AGPAT2: variants seen among roughly 807,000 people sequenced by gnomAD.
AGPAT2 encodes the protein 1-acylglycerol-3-phosphate O-acyltransferase 2, also known as 1-acyl-sn-glycerol-3-phosphate acyltransferase beta.
In AGPAT2, 18 loss-of-function variants were observed where a neutral mutation model predicts 26.1. The observed-to-expected ratio is 0.69, with a 90% CI of 0.48 to 1.02. The LOEUF (loss-of-function observed/expected upper bound fraction) is 1.02, where lower values mean the gene tolerates loss of function less well. AGPAT2 is among the 50% of genes least tolerant of loss of function. AGPAT2 has a pLI of 0.00. For synonymous variants in AGPAT2, 200 were observed against 174.2 expected, an observed-to-expected ratio of 1.15 and a Z score of -1.16; for missense variants, 415 against 394.9, an observed-to-expected ratio of 1.05 and a Z score of -0.43.
chr9:136,676,735 C>T lies in AGPAT2; in HGVS notation c.493-55G>A. On this transcript the variant is annotated intron_variant, in intron 3 of 5. Coordinates refer to ENST00000371696, the MANE Select transcript of AGPAT2 (RefSeq NM_006412.4). ...TCACGCCCAGGCCACCCCAGAAAGG[C>T]CACGCCGCCTCGCCTCCTAAGAAGC... 5 of 1,538,266 alleles carry T rather than the reference C, an allele frequency of 3.3e-6. No individual in the cohort carries two copies. In the Admixed American group the frequency reaches 5.0e-5, roughly 15 times the overall value.
At chr9:136,674,669 G>T in intron 5 of AGPAT2, 66 bp downstream of exon 5, 1 of 1,228,856 alleles carries the variant, frequency 8.1e-7, no homozygotes, top group Non-Finnish European at 1.1e-6. Context: ...ACGATGAGGG[G>T]CCCGGGGCTC....
intron 1 of AGPAT2, among the ~76,000 whole-genome samples, chr9:136,684,373 G>A (rs527779706): frequency 2.4e-4 from 36 of 152,290 alleles, no homozygotes; most frequent in South Asian, 8.3e-4. Flanking sequence ...CAGCTCCACC[G>A]TAACTGCGCA....
chr9:136,677,490 CG>C lies in AGPAT2; in HGVS notation c.248del (p.Pro83ArgfsTer22), dbSNP rs193920848. ...FYGLRFEVRD[P>X]RRLQEARPCV... ...AGGGACGGGCCTCCTGCAGCCTGCG[CG>C]GGTCCCGCACCTCGAAGCGGAGCCC... On this transcript the variant is annotated frameshift_variant, in exon 2 of 6. Transcript: ENST00000371696. LOFTEE classifies it high-confidence loss of function. 6.2e-7 allele frequency: 1 copy of C among 1,613,062 alleles called. No individual in the cohort carries two copies. The highest frequency in any genetic ancestry group is 1.7e-5 in the Admixed American group (1 of 60,034).
chr9:136,678,046 G>A (rs75274446), intron 1 of AGPAT2, among the ~76,000 whole-genome samples: 2 of 152,204 alleles, frequency 1.3e-5, no homozygotes, highest in South Asian at 2.1e-4. Flanking sequence ...AAGTGTCGGC[G>A]CCAGTGGAGA....
In AGPAT2 at chr9:136,673,860, CG is replaced by C; in HGVS notation, c.728del (p.Ala243GlyfsTer10). On this transcript the variant is annotated frameshift_variant, in exon 6 of 6. Transcript: ENST00000371696. LOFTEE classifies it low-confidence loss of function (END_TRUNC). ...TSGLTAADVP[A>X]LVDTCHRAMR... is the part of the protein sequence containing the mutation. ...TGGCCCGGTGGCAGGTGTCCACGAG[CG>C]CAGGGACGTCCGCCGCAGTGAGGCC... The C allele has an allele frequency of 6.2e-7, 1 of 1,605,008 alleles. No individual in the cohort carries two copies. Among genetic ancestry groups the C allele is most frequent in the Non-Finnish European group, 8.5e-7 (1 of 1,177,402 alleles).
At chr9:136,679,360 C>A (rs1846132847) in intron 1 of AGPAT2, among the ~76,000 whole-genome samples, 1 of 152,184 alleles carries the variant, frequency 6.6e-6, no homozygotes, top group Admixed American at 6.5e-5. Context: ...TCAAGGGGGG[C>A]CTAATGGTTA....
chr9:136,677,992 G>A (rs571258509), intron 1 of AGPAT2, among the ~76,000 whole-genome samples: 15 of 152,288 alleles, frequency 9.8e-5, no homozygotes, highest in African/African-American at 3.6e-4. Flanking sequence ...CACACACCCT[G>A]GGGAAGGTCA....
chr9:136,677,268 C>G, intron 2 of AGPAT2, 132 bp from the exon 3 acceptor site: 1 of 1,491,774 alleles, frequency 6.7e-7, no homozygotes. Flanking sequence ...GTGTGGCCTC[C>G]GAGCCTCTGT....
intron 1 of AGPAT2, among the ~76,000 whole-genome samples, chr9:136,683,079 G>A (rs1174003990): frequency 6.7e-6 from 1 of 149,666 alleles, no homozygotes; most frequent in African/African-American, 2.4e-5. Context: ...GGGGGGAGGG[G>A]GGGAAGAATC....
At chr9:136,676,293 G>A (rs186574303) in intron 4 of AGPAT2, among the ~76,000 whole-genome samples, 1,807 of 152,222 alleles carry the variant, frequency 0.012, 36 homozygotes, top group African/African-American at 0.041. Context: ...CGAGCGGCCC[G>A]GCTCCCCACC....
chr9:136,684,667 G>A (rs547837453), intron 1 of AGPAT2, among the ~76,000 whole-genome samples: 6 of 152,318 alleles, frequency 3.9e-5, no homozygotes, highest in African/African-American at 1.4e-4. Context: ...CAAGCGCTGG[G>A]CTGGGAACAA....
intron 1 of AGPAT2, among the ~76,000 whole-genome samples, chr9:136,683,501 C>T (rs983518819): frequency 1.4e-4 from 22 of 152,164 alleles, no homozygotes; most frequent in African/African-American, 4.6e-4. Context: ...TGCTGGGGCT[C>T]GCTGGGGCCA....
In AGPAT2 at chr9:136,687,167, C is replaced by G; in HGVS notation, c.182+9G>C. ...TTCCCCGGCCCCTCCCGGCGGCCCC[C>G]GGCCTTGCCTCATGTTCTCCACCGT... is the stretch of plus-strand genomic sequence containing the variant. On this transcript the variant is annotated intron_variant, in intron 1 of 5. Coordinates refer to ENST00000371696, the MANE Select transcript of AGPAT2 (RefSeq NM_006412.4). 6.3e-7 allele frequency: 1 copy of G among 1,582,152 alleles called. No homozygotes were observed. The highest frequency in any genetic ancestry group is 8.5e-7 in the Non-Finnish European group (1 of 1,170,134).
chr9:136,673,647 G>A lies in AGPAT2; in HGVS notation c.*105C>T. The A allele has an allele frequency of 2.4e-6, 3 of 1,266,922 alleles. No individual in the cohort carries two copies. In the South Asian group the frequency reaches 4.9e-5, roughly 21 times the overall value. 78.5% of individuals were successfully genotyped at this position (1,266,922 alleles called of 1,614,324 possible). A position where few individuals can be genotyped will look rare whatever the true frequency, so the allele number is the denominator to read the frequency against. ...CCCGGGCTGAGTGAGAGCTGGGGGA[G>A]CCGGACAGAGTGGTATTTGGAAGCC... On this transcript the variant is annotated 3_prime_UTR_variant, in exon 6 of 6. Transcript: ENST00000371696.
chr9:136,677,247 C>G, intron 2 of AGPAT2, 111 bp from the exon 3 acceptor site: 1 of 1,506,700 alleles, frequency 6.6e-7, no homozygotes, highest in African/African-American at 1.4e-5. Context: ...CCCTGGCTAC[C>G]TGGACGGGTC....
At chr9:136,682,503 T>C (rs1255834835) in intron 1 of AGPAT2, among the ~76,000 whole-genome samples, 1 of 151,928 alleles carries the variant, frequency 6.6e-6, no homozygotes, top group Non-Finnish European at 1.5e-5. Flanking sequence ...CTGGACTCCT[T>C]GCCTCCCCGG....
Position 136,679,017 on chromosome 9 carries a change from G to A in AGPAT2, c.183-1461C>T, listed in dbSNP as rs530832620. Among the ~76,000 whole-genome samples, 377 of 152,306 alleles carry A rather than the reference G, an allele frequency of 2.5e-3. 1 individual carries two copies. Among genetic ancestry groups the A allele is most frequent in the Non-Finnish European group, 3.7e-3 (254 of 68,026 alleles). On this transcript the variant is annotated intron_variant, in intron 1 of 5. Coordinates refer to ENST00000371696, the MANE Select transcript of AGPAT2 (RefSeq NM_006412.4). Reference sequence around the variant, plus strand: ...AACCTGCCGACCTCGGCCTCCCAAAGTGCTGGGCTTACAGGCCTGAGCCAA... The same window carrying A: ...AACCTGCCGACCTCGGCCTCCCAAAATGCTGGGCTTACAGGCCTGAGCCAA...
intron 1 of AGPAT2, among the ~76,000 whole-genome samples, chr9:136,684,110 G>T (rs543828300): frequency 6.6e-6 from 1 of 152,310 alleles, no homozygotes; most frequent in African/African-American, 2.4e-5. Flanking sequence ...CCCCTTTTCT[G>T]TCTGGGACCC....
rs17848858 is a variant in AGPAT2, at chr9:136,673,801, G to A, written c.788C>T (p.Pro263Leu). The A allele has an allele frequency of 7.1e-5, 114 of 1,606,148 alleles. No individual in the cohort carries two copies. In the Middle Eastern group the frequency reaches 8.9e-4, roughly 13 times the overall value. Residue 263 changes from proline to leucine, a missense_variant, in exon 6 of 6, where the codon CCC (proline) becomes CTC (leucine). Physicochemically the swap from Pro to Leu is moderately conservative, Grantham distance 98. Transcript: ENST00000371696. ...CCCCGCAGTGGCCCCGTTCTCCTGG[G>A]GGGTCTTGGAGATGTGGAGGAAGGT... ...RTTFLHISKT[P>L]QENGATAGSG...
Sources: gnomAD v4.1 joint callset for allele counts (sites outside exome capture counted in the v4.1 genomes callset) on GRCh38, gnomAD v4.1.1 for gene constraint, MANE v1.5 for transcripts, NCBI Gene and HGNC (gene_info 2026-07-23, HGNC 2026-07-21) for gene names.